Variants in PLPPR1 observed in about 807,000 individuals in gnomAD.
PLPPR1 encodes phospholipid phosphatase related 1.
Under a neutral mutation model 33.1 loss-of-function variants are expected in PLPPR1, and 10 were observed. That is an observed-to-expected ratio of 0.30 (90% CI 0.19 to 0.51). The LOEUF (loss-of-function observed/expected upper bound fraction) is 0.51, where lower values mean the gene tolerates loss of function less well. PLPPR1 is among the 20% of genes least tolerant of loss of function. The probability of loss-of-function intolerance (pLI) is 0.97; values close to 1 mark genes in which losing one functional copy is unlikely to be tolerated. For synonymous variants in PLPPR1, 151 were observed against 151.0 expected, an observed-to-expected ratio of 1.00 and a Z score of 0.00; for missense variants, 304 against 408.1, an observed-to-expected ratio of 0.74 and a Z score of 2.20.
intron 1 of PLPPR1, among the ~76,000 whole-genome samples, chr9:101,122,112 T>C (rs1390777341): frequency 2.0e-5 from 3 of 152,190 alleles, no homozygotes; most frequent in Non-Finnish European, 1.5e-5. Flanking sequence ...CATTTGTTTT[T>C]CAGGTTAGTT....
chr9:101,176,869 A>C (rs950450137), intron 1 of PLPPR1, among the ~76,000 whole-genome samples: 11 of 152,246 alleles, frequency 7.2e-5, no homozygotes, highest in African/African-American at 2.2e-4. Context: ...AAACACAATC[A>C]AAAGACACCA....
Position 101,127,668 on chromosome 9 carries a change from C to T in PLPPR1, c.-45-57782C>T, listed in dbSNP as rs560073867. Among the ~76,000 whole-genome samples, 45 of 152,266 alleles carry T rather than the reference C, an allele frequency of 3.0e-4. 1 individual carries two copies. The South Asian group carries it at 7.9e-3, about 27-fold the overall frequency. Reference sequence around the variant, plus strand: ...CGAGCCCTGGATTCTATCCAAGCTACGAGGGATTTTATGCCCTGGCCTTAG... The same window carrying T: ...CGAGCCCTGGATTCTATCCAAGCTATGAGGGATTTTATGCCCTGGCCTTAG... On this transcript the variant is annotated intron_variant, in intron 1 of 7. Transcript: ENST00000374874.
intron 2 of PLPPR1, among the ~76,000 whole-genome samples, chr9:101,194,516 G>T (rs548009368): frequency 6.6e-6 from 1 of 152,232 alleles, no homozygotes; most frequent in East Asian, 1.9e-4. Context: ...TTGGGAGGCC[G>T]AGGTGGGCAG....
chr9:101,265,295 G>A (rs912539595), intron 2 of PLPPR1, among the ~76,000 whole-genome samples: 1 of 152,150 alleles, frequency 6.6e-6, no homozygotes, highest in Non-Finnish European at 1.5e-5. Context: ...TTCTTGGAAA[G>A]CAACAGCTGA....
chr9:101,115,616 T>C (rs564895072), intron 1 of PLPPR1, among the ~76,000 whole-genome samples: 2 of 152,386 alleles, frequency 1.3e-5, no homozygotes, highest in East Asian at 3.9e-4. Flanking sequence ...ATAGCCTTTT[T>C]AGCAACCGTT....
At chr9:101,319,588 C>T (rs1477766382) in intron 7 of PLPPR1, among the ~76,000 whole-genome samples, 1 of 152,124 alleles carries the variant, frequency 6.6e-6, no homozygotes, top group African/African-American at 2.4e-5. Context: ...TTAAGGCTAA[C>T]ATTTTAACTT....
intron 1 of PLPPR1, among the ~76,000 whole-genome samples, chr9:101,168,545 T>A (rs1046300459): frequency 6.6e-6 from 1 of 152,158 alleles, no homozygotes; most frequent in Non-Finnish European, 1.5e-5. Context: ...TGTTATTTTT[T>A]AAAATAGATT....
chr9:101,113,081 TG>T (rs1564148350), intron 1 of PLPPR1, among the ~76,000 whole-genome samples: 2 of 152,196 alleles, frequency 1.3e-5, no homozygotes, highest in African/African-American at 4.8e-5. Context: ...CCCTCAACCG[TG>T]GCTGTGTTAT....
At chr9:101,060,929 A>C (rs1175797935) in intron 1 of PLPPR1, among the ~76,000 whole-genome samples, 1 of 151,920 alleles carries the variant, frequency 6.6e-6, no homozygotes, top group Non-Finnish European at 1.5e-5. Flanking sequence ...GTAATTCTTC[A>C]TTCTGTAATT....
intron 1 of PLPPR1, among the ~76,000 whole-genome samples, chr9:101,118,594 G>T (rs920196708): frequency 6.6e-6 from 1 of 152,186 alleles, no homozygotes; most frequent in African/African-American, 2.4e-5. Context: ...AATGATGAGA[G>T]CAGCAGTTAA....
chr9:101,199,346 C>T (rs1172214815), intron 2 of PLPPR1, among the ~76,000 whole-genome samples: 1 of 152,218 alleles, frequency 6.6e-6, no homozygotes, highest in Non-Finnish European at 1.5e-5. Flanking sequence ...AGTTTATCTG[C>T]TAGTCCCTGT....
chr9:101,081,056 C>G (rs963138218), intron 1 of PLPPR1, among the ~76,000 whole-genome samples: 11 of 152,014 alleles, frequency 7.2e-5, no homozygotes, highest in Non-Finnish European at 7.4e-5. Context: ...CTCAGTCTAC[C>G]AAGTCAGTTG....
chr9:101,141,322 C>A (rs1359300113), intron 1 of PLPPR1, among the ~76,000 whole-genome samples: 1 of 152,116 alleles, frequency 6.6e-6, no homozygotes, highest in Middle Eastern at 3.2e-3. Context: ...ACAAAAATAG[C>A]TGTAATTTAT....
chr9:101,229,860 G>A (rs1321544876), intron 2 of PLPPR1, among the ~76,000 whole-genome samples: 1 of 152,104 alleles, frequency 6.6e-6, no homozygotes, highest in African/African-American at 2.4e-5. Context: ...ATTGCCTTCT[G>A]ACTTTAATTA....
At chr9:101,115,900 A>G (rs1366043699) in intron 1 of PLPPR1, among the ~76,000 whole-genome samples, 3 of 152,242 alleles carry the variant, frequency 2.0e-5, no homozygotes, top group Non-Finnish European at 4.4e-5. Context: ...AATTTACTCC[A>G]TTAAAGATGA....
intron 1 of PLPPR1, among the ~76,000 whole-genome samples, chr9:101,061,913 C>T (rs1387708562): frequency 6.6e-6 from 1 of 151,974 alleles, no homozygotes; most frequent in African/African-American, 2.4e-5. Context: ...CAAGAAATAA[C>T]TATCTAGCTG....
chr9:101,112,572 A>G (rs1157239420), intron 1 of PLPPR1, among the ~76,000 whole-genome samples: 1 of 152,208 alleles, frequency 6.6e-6, no homozygotes, highest in East Asian at 1.9e-4. Flanking sequence ...CCTGGCATGC[A>G]GTAATTCCTT....
At chr9:101,229,814 C>T (rs533594744) in intron 2 of PLPPR1, among the ~76,000 whole-genome samples, 1 of 152,250 alleles carries the variant, frequency 6.6e-6, no homozygotes, top group Admixed American at 6.6e-5. Context: ...ATTTCTGTGC[C>T]TTGCCAAGTG....
chr9:101,306,737 G>A (rs887845079), intron 4 of PLPPR1, among the ~76,000 whole-genome samples: 1 of 152,148 alleles, frequency 6.6e-6, no homozygotes, highest in Non-Finnish European at 1.5e-5. Flanking sequence ...TAAAAAATAT[G>A]ATCTCACCTG....
Sources: allele counts gnomAD v4.1 joint callset (sites outside exome capture counted in the v4.1 genomes callset), GRCh38; gene constraint gnomAD v4.1.1; transcripts MANE v1.5; gene names NCBI Gene and HGNC (gene_info 2026-07-23, HGNC 2026-07-21).